Variants in PSD3 observed in about 807,000 individuals in gnomAD.
The protein encoded by PSD3 is pleckstrin and Sec7 domain containing 3, also known as PH and SEC7 domain-containing protein 3.
PSD3 carries 49 observed loss-of-function variants against 105.5 expected under a neutral mutation model. The ratio of observed to expected loss-of-function variants is 0.46; its 90% CI spans 0.37 to 0.59. The LOEUF (loss-of-function observed/expected upper bound fraction) is 0.59, where lower values mean the gene tolerates loss of function less well. Among genes scored for constraint, PSD3 ranks in the 20% least tolerant of loss-of-function variants. The pLI, the probability that PSD3 is intolerant of heterozygous loss-of-function variation, is 0.00. For synonymous variants in PSD3, 557 were observed against 457.8 expected, an observed-to-expected ratio of 1.22 and a Z score of -2.77; for missense variants, 1,561 against 1,263.8, an observed-to-expected ratio of 1.24 and a Z score of -3.57.
intron 11 of PSD3, among the ~76,000 whole-genome samples, chr8:18,622,794 C>T (rs540232174): frequency 6.6e-6 from 1 of 152,248 alleles, no homozygotes; most frequent in South Asian, 2.1e-4. Context: ...TTCTGACTTC[C>T]TCTCTGTAAG....
rs576332158 is a variant in PSD3, at chr8:18,757,010, G to A, written c.2172+8439C>T. Reference sequence around the variant, plus strand: ...CTCCTAACCGCTCTTAGAGGAAGGTGTTTTTATCCCATGCCGTACCTGAGA... The same window carrying A: ...CTCCTAACCGCTCTTAGAGGAAGGTATTTTTATCCCATGCCGTACCTGAGA... On this transcript the variant is annotated intron_variant, in intron 9 of 15. Coordinates refer to ENST00000327040, the MANE Select transcript of PSD3 (RefSeq NM_015310.4). 2.7e-3 allele frequency among the ~76,000 whole-genome samples: 383 copies of A among 142,944 alleles called. 1 individual carries two copies. Among genetic ancestry groups the A allele is most frequent in the Non-Finnish European group, 3.6e-3 (236 of 64,974 alleles). The allele number at this position is 142,944 out of a possible 152,430, so 93.8% of individuals were successfully genotyped here.
In PSD3 at chr8:18,936,111, G is replaced by A. The variant is rs1316473808; in HGVS notation, c.53C>T (p.Ser18Phe). 3 of 1,613,010 alleles carry A rather than the reference G, an allele frequency of 1.9e-6. No homozygotes were observed. Among genetic ancestry groups the A allele is most frequent in the Non-Finnish European group, 2.5e-6 (3 of 1,179,678 alleles). The change falls in exon 2 of 16, where the codon TCT becomes TTT. Residue 18 changes from serine (S) to phenylalanine (F), a missense_variant. Physicochemically the swap from Ser to Phe is radical, Grantham distance 155 (BLOSUM62 -2). Transcript: ENST00000327040. ...CTTGGCAACACTCTGGGAATGTGCA[G>A]ATGCATTGTTCACCCAAACAAATGT... ...AETFVWVNNA[S>F]AHSQSVAKAK...
At chr8:19,029,742 G>T (rs938191812) in intron 1 of PSD3, among the ~76,000 whole-genome samples, 1 of 152,074 alleles carries the variant, frequency 6.6e-6, no homozygotes, top group African/African-American at 2.4e-5. Flanking sequence ...CATATTTTAA[G>T]TTTATACCCA....
intron 9 of PSD3, among the ~76,000 whole-genome samples, chr8:18,666,047 A>G (rs1157660405): frequency 3.3e-5 from 5 of 152,166 alleles, no homozygotes; most frequent in Non-Finnish European, 7.3e-5. Flanking sequence ...ACTACAGTAT[A>G]GTGTAAACAT....
At chr8:18,762,163 C>G (rs1259372986) in intron 9 of PSD3, among the ~76,000 whole-genome samples, 1 of 152,084 alleles carries the variant, frequency 6.6e-6, no homozygotes, top group Non-Finnish European at 1.5e-5. Context: ...ATCAGGAGGG[C>G]GGAGCTCTCA....
chr8:18,939,515 CTT>C (rs78721400), intron 1 of PSD3, among the ~76,000 whole-genome samples: 44 of 138,868 alleles, frequency 3.2e-4, no homozygotes, highest in Admixed American at 3.6e-4. Context: ...AGAAACATAG[CTT>C]TTTTTTTTTT....
intron 2 of PSD3, among the ~76,000 whole-genome samples, chr8:18,903,928 G>A (rs1819673381): frequency 6.6e-6 from 1 of 152,166 alleles, no homozygotes; most frequent in Non-Finnish European, 1.5e-5. Flanking sequence ...AGCCCAAGAA[G>A]GCGGGGAGAG....
intron 9 of PSD3, chr8:18,734,240 C>T (rs1803985278): frequency 6.6e-6 from 1 of 152,016 alleles, no homozygotes. Context: ...GTTTCAAAGC[C>T]CAAGTTTCTT....
At chr8:18,871,242 G>A (rs1817327292) in intron 3 of PSD3, among the ~76,000 whole-genome samples, 1 of 152,200 alleles carries the variant, frequency 6.6e-6, no homozygotes, top group Admixed American at 6.5e-5. Context: ...TATATAGGGT[G>A]TGTCAAAAGA....
chr8:18,957,495 C>T (rs1254908194), intron 1 of PSD3, among the ~76,000 whole-genome samples: 2 of 151,118 alleles, frequency 1.3e-5, no homozygotes, highest in Non-Finnish European at 2.9e-5. Flanking sequence ...ACGGGCCCAA[C>T]AGCTAATTCC....
At chr8:18,916,297 G>GATATATATATAT (rs71218908) in intron 2 of PSD3, among the ~76,000 whole-genome samples, 1 of 31,268 alleles carries the variant, frequency 3.2e-5, no homozygotes, top group African/African-American at 1.1e-4. Flanking sequence ...TAAAAAAAGT[G>GATATATATATAT]ATATATATAT....
At chr8:18,901,542 A>G (rs1157988504) in intron 2 of PSD3, among the ~76,000 whole-genome samples, 1 of 151,640 alleles carries the variant, frequency 6.6e-6, no homozygotes, top group Non-Finnish European at 1.5e-5. Context: ...CTCTTTTTCT[A>G]TCATTGCAGT....
In PSD3 at chr8:18,535,346, TAC is replaced by T. The variant is rs770957765; in HGVS notation, c.*395_*396del. On this transcript the variant is annotated 3_prime_UTR_variant, in exon 16 of 16. Coordinates refer to ENST00000327040, the MANE Select transcript of PSD3 (RefSeq NM_015310.4). ...AACTCCAGCTAGAATTTACTAAAAC[TAC>T]AGTTTGTCCAGTTAAGTGTTTCACA... 50 of 186,784 alleles carry T rather than the reference TAC, an allele frequency of 2.7e-4. No individual in the cohort carries two copies. The highest frequency in any genetic ancestry group is 4.2e-4 in the Non-Finnish European group (37 of 87,810). 11.6% of individuals were successfully genotyped at this position (186,784 alleles called of 1,614,324 possible). A position where few individuals can be genotyped will look rare whatever the true frequency, so the allele number is the denominator to read the frequency against.
chr8:19,013,392 A>C (rs1435117585), intron 1 of PSD3, among the ~76,000 whole-genome samples, 171 bp downstream of exon 1: 1 of 152,126 alleles, frequency 6.6e-6, no homozygotes, highest in Non-Finnish European at 1.5e-5. Flanking sequence ...AAAAAACACA[A>C]AGCAAGCAAG....
At chr8:18,853,415 C>A (rs2129452961) in intron 4 of PSD3, among the ~76,000 whole-genome samples, 1 of 152,172 alleles carries the variant, frequency 6.6e-6, no homozygotes, top group South Asian at 2.1e-4. Flanking sequence ...GACATAATAT[C>A]AACGGACTAG....
chr8:18,773,135 A>G (rs1485799756), intron 8 of PSD3, among the ~76,000 whole-genome samples: 1 of 152,064 alleles, frequency 6.6e-6, no homozygotes, highest in African/African-American at 2.4e-5. Context: ...TTTTCTCAGG[A>G]TTTTATAGTT....
chr8:18,650,853 T>C (rs1326130360), intron 10 of PSD3, among the ~76,000 whole-genome samples: 1 of 152,170 alleles, frequency 6.6e-6, no homozygotes. Context: ...ACTCACTCTC[T>C]GCTCTTCAAA....
At chr8:18,973,223 A>T (rs1353055372) in intron 1 of PSD3, among the ~76,000 whole-genome samples, 2 of 152,200 alleles carry the variant, frequency 1.3e-5, no homozygotes, top group African/African-American at 4.8e-5. Context: ...GACAATGATG[A>T]AGAGGCAACT....
chr8:19,084,473 A>G, exon 1 of PSD3: 1 of 453,456 alleles, frequency 2.2e-6, no homozygotes, highest in Non-Finnish European at 4.4e-6. Flanking sequence ...CCTGGGTGGC[A>G]GAAGTGACTG....
Sources: allele counts gnomAD v4.1 joint callset (sites outside exome capture counted in the v4.1 genomes callset), GRCh38; gene constraint gnomAD v4.1.1; transcripts MANE v1.5; gene names NCBI Gene and HGNC (gene_info 2026-07-23, HGNC 2026-07-21).